Variants in ALLC observed in about 807,000 individuals in gnomAD.
ALLC encodes the protein allantoicase.
A neutral mutation model predicts 45.0 loss-of-function variants in ALLC; 40 were observed. That is an observed-to-expected ratio of 0.89 (90% CI 0.69 to 1.16). ALLC has a LOEUF of 1.16. ALLC is among the 50% of genes most tolerant of loss of function. The pLI, the probability that ALLC is intolerant of heterozygous loss-of-function variation, is 0.00. For synonymous variants in ALLC, 176 were observed against 178.1 expected (o/e 0.99, Z 0.09); for missense variants, 488 against 493.1 (o/e 0.99, Z 0.10).
the ALLC span, among the ~76,000 whole-genome samples, chr2:3,649,785 A>T: frequency 6.6e-6 from 1 of 152,250 alleles, no homozygotes. Flanking sequence ...ACTCACGTGC[A>T]CACGTGTGGA....
At chr2:3,694,787 A>G (rs1413201742) in intron 7 of ALLC, 1 of 152,260 alleles carries the variant, frequency 6.6e-6, no homozygotes, top group African/African-American at 2.4e-5. Flanking sequence ...TTTGTAAAAT[A>G]AAAACATATA....
At chr2:3,667,131 TTGTC>T (rs1666745203) in intron 1 of ALLC, among the ~76,000 whole-genome samples, 1 of 152,136 alleles carries the variant, frequency 6.6e-6, no homozygotes, top group Non-Finnish European at 1.5e-5. Flanking sequence ...CCCTGCCTGG[TTGTC>T]TGTCCTTCCC....
intron 10 of ALLC, 150 bp from the exon 11 acceptor site, chr2:3,701,362 C>A: frequency 1.1e-6 from 1 of 916,388 alleles, no homozygotes. Context: ...TGTTCCTTCC[C>A]TCACATACTT....
At chr2:3,646,487 G>A in the ALLC span, among the ~76,000 whole-genome samples, 1 of 152,194 alleles carries the variant, frequency 6.6e-6, no homozygotes, top group Admixed American at 6.5e-5. Context: ...CTCATTGGAA[G>A]GACATAGCAA....
intron 7 of ALLC, among the ~76,000 whole-genome samples, chr2:3,689,611 C>A (rs780146201): frequency 6.6e-6 from 1 of 150,902 alleles, no homozygotes; most frequent in Non-Finnish European, 1.5e-5. Context: ...TTTAGACTTG[C>A]TTTATGGCCC....
chr2:3,660,798 A>G (rs1666553703), intron 1 of ALLC, among the ~76,000 whole-genome samples: 1 of 152,154 alleles, frequency 6.6e-6, no homozygotes, highest in East Asian at 1.9e-4. Context: ...GGAAAACGGA[A>G]TGAGTCAGGG....
intron 6 of ALLC, among the ~76,000 whole-genome samples, 181 bp downstream of exon 6, chr2:3,681,894 G>A (rs1436975686): frequency 2.6e-5 from 4 of 152,206 alleles, no homozygotes; most frequent in Non-Finnish European, 5.9e-5. Flanking sequence ...CCTGGGAAGA[G>A]TGAGCATCAT....
chr2:3,670,417 C>T (rs1393097986), intron 1 of ALLC, among the ~76,000 whole-genome samples: 1 of 152,204 alleles, frequency 6.6e-6, no homozygotes, highest in African/African-American at 2.4e-5. Flanking sequence ...GGGGTCAGGC[C>T]AGACTCTCCC....
At chr2:3,682,761 G>A (rs1292881058) in intron 6 of ALLC, among the ~76,000 whole-genome samples, 181 bp from the exon 7 acceptor site, 1 of 152,208 alleles carries the variant, frequency 6.6e-6, no homozygotes, top group East Asian at 1.9e-4. Context: ...TCCTGACCTT[G>A]TGATCCGCCC....
intron 1 of ALLC, among the ~76,000 whole-genome samples, chr2:3,663,704 G>A (rs974132634): frequency 6.6e-6 from 1 of 152,054 alleles, no homozygotes; most frequent in Admixed American, 6.5e-5. Context: ...GTTGATGAAT[G>A]GTTACTGAAA....
intron 9 of ALLC, 60 bp downstream of exon 9, chr2:3,696,408 T>C: frequency 1.4e-6 from 2 of 1,433,914 alleles, no homozygotes; most frequent in South Asian, 1.3e-5. Flanking sequence ...TTTGGAACTT[T>C]TTCTTTTAAA....
chr2:3,671,030 G>C, intron 1 of ALLC, 66 bp from the exon 2 acceptor site: 1 of 888,526 alleles, frequency 1.1e-6, no homozygotes, highest in Admixed American at 2.2e-5. Flanking sequence ...AGCGTCAGGA[G>C]CCTAGACGGG....
chr2:3,663,056 C>T (rs926143082), intron 1 of ALLC, among the ~76,000 whole-genome samples: 14 of 152,182 alleles, frequency 9.2e-5, no homozygotes, highest in African/African-American at 3.1e-4. Flanking sequence ...CCATTGTACC[C>T]AGCAATCCCA....
the ALLC span, among the ~76,000 whole-genome samples, chr2:3,650,395 C>G: frequency 6.6e-6 from 1 of 152,156 alleles, no homozygotes; most frequent in African/African-American, 2.4e-5. Context: ...TTGACCCAGG[C>G]AGCCTGCCTT....
At chr2:3,654,339 A>C (rs1666395311), upstream of ALLC, among the ~76,000 whole-genome samples, 1 of 152,234 alleles carries the variant, frequency 6.6e-6, no homozygotes. Context: ...CGGGAGGAAA[A>C]GCAACGGCTG....
At chr2:3,655,379 T>C (rs1357045095), upstream of ALLC, among the ~76,000 whole-genome samples, 1 of 152,192 alleles carries the variant, frequency 6.6e-6, no homozygotes, top group Non-Finnish European at 1.5e-5. Flanking sequence ...CTGGCACATG[T>C]GTCCCAGGAG....
Position 3,687,111 on chromosome 2 carries a change from T to C in ALLC, c.511+4037T>C, listed in dbSNP as rs897266045. ...TTGTTATTTTGAGGTAGTTTTTTTT[T>C]CTATACCCAATTTATTGAGGGTTTT... On this transcript the variant is annotated intron_variant, in intron 7 of 11. Transcript: ENST00000252505. 2.6e-4 allele frequency among the ~76,000 whole-genome samples: 40 copies of C among 150,974 alleles called. 1 individual carries two copies. The highest frequency in any genetic ancestry group is 8.0e-4 in the African/African-American group (33 of 41,362).
At chr2:3,654,750 CG>C (rs1419971727), upstream of ALLC, among the ~76,000 whole-genome samples, 6 of 152,194 alleles carry the variant, frequency 3.9e-5, no homozygotes, top group Admixed American at 1.3e-4. Context: ...GTGGAAGAAA[CG>C]TATTCTCAGT....
rs1558542427 is a variant in ALLC at position 3,682,876 on chromosome 2, G to A, written c.379-66G>A. The A allele has an allele frequency of 8.4e-6, 13 of 1,544,570 alleles. No homozygotes were observed. The South Asian group carries it at 1.4e-4, about 17-fold the overall frequency. ...ATCTCCACACCTTAAGTGCCACAGA[G>A]GCAATAGGATGACAGAATTTATTGT... On this transcript the variant is annotated intron_variant, in intron 6 of 11. Coordinates refer to ENST00000252505, the MANE Select transcript of ALLC (RefSeq NM_018436.4).
Sources: gnomAD v4.1 joint callset for allele counts (sites outside exome capture counted in the v4.1 genomes callset) on GRCh38, gnomAD v4.1.1 for gene constraint, MANE v1.5 for transcripts, NCBI Gene and HGNC (gene_info 2026-07-23, HGNC 2026-07-21) for gene names.